Variants in KCNIP4 observed in about 807,000 individuals in gnomAD.
KCNIP4 encodes the protein Kv channel-interacting protein 4.
KCNIP4 carries 12 observed loss-of-function variants against 34.0 expected under a neutral mutation model. The observed-to-expected ratio is 0.35, with a 90% CI of 0.23 to 0.57. The LOEUF (loss-of-function observed/expected upper bound fraction) is 0.57. Ranked by LOEUF, KCNIP4 falls within the 20% of genes least tolerant of loss-of-function variation. The pLI, the probability that KCNIP4 is intolerant of heterozygous loss-of-function variation, is 0.83. For missense variants in KCNIP4, 238 were observed against 311.7 expected, an observed-to-expected ratio of 0.76 and a Z score of 1.78; for synonymous variants, 124 against 102.2, an observed-to-expected ratio of 1.21 and a Z score of -1.29.
intron 1 of KCNIP4, among the ~76,000 whole-genome samples, chr4:21,016,840 A>C (rs1345799109): frequency 1.3e-5 from 2 of 152,170 alleles, no homozygotes; most frequent in African/African-American, 4.8e-5. Context: ...TATTTTTACA[A>C]ATGTAAAATA....
chr4:21,944,201 C>A (rs1390774933), intron 1 of KCNIP4, among the ~76,000 whole-genome samples: 1 of 151,772 alleles, frequency 6.6e-6, no homozygotes, highest in East Asian at 1.9e-4. Context: ...TAAAAGACAA[C>A]CATGTGAAAG....
At chr4:21,044,334 T>C (rs541601481) in intron 1 of KCNIP4, among the ~76,000 whole-genome samples, 1 of 152,080 alleles carries the variant, frequency 6.6e-6, no homozygotes, top group South Asian at 2.1e-4. Context: ...TCTTTTGAGA[T>C]GGAGTCTCAC....
chr4:21,113,618 G>A (rs1195028831), intron 1 of KCNIP4, among the ~76,000 whole-genome samples: 1 of 152,074 alleles, frequency 6.6e-6, no homozygotes, highest in Non-Finnish European at 1.5e-5. Context: ...TCTTCCTTAA[G>A]CACCAAAAAC....
At chr4:21,304,075 G>GAC (rs1712116107) in intron 1 of KCNIP4, 2 of 284,502 alleles carry the variant, frequency 7.0e-6, no homozygotes, top group East Asian at 2.7e-4. Context: ...GAGACAGAGA[G>GAC]AGAGAGAGAG....
chr4:21,333,578 C>T (rs141196190), intron 1 of KCNIP4, among the ~76,000 whole-genome samples: 3 of 151,842 alleles, frequency 2.0e-5, no homozygotes, highest in Non-Finnish European at 4.4e-5. Flanking sequence ...TGAATCTAAT[C>T]CCAGTCTTTT....
intron 1 of KCNIP4, among the ~76,000 whole-genome samples, chr4:21,216,815 A>G (rs1255661309): frequency 6.6e-6 from 1 of 152,182 alleles, no homozygotes; most frequent in African/African-American, 2.4e-5. Context: ...TTTAAGATAG[A>G]AAAATCCATA....
intron 1 of KCNIP4, among the ~76,000 whole-genome samples, chr4:21,487,086 C>T (rs1731985897): frequency 6.6e-6 from 1 of 152,102 alleles, no homozygotes; most frequent in African/African-American, 2.4e-5. Flanking sequence ...CAGGTGTGAG[C>T]CTCTGTGTCC....
chr4:20,732,887 T>G (rs1045223065), intron 6 of KCNIP4, 102 bp from the exon 7 acceptor site: 6 of 692,576 alleles, frequency 8.7e-6, no homozygotes, highest in Non-Finnish European at 1.2e-5. Flanking sequence ...AATTTTTGAC[T>G]TTTTGTTTGT....
intron 1 of KCNIP4, among the ~76,000 whole-genome samples, chr4:21,458,961 C>T (rs1318489931): frequency 6.6e-6 from 1 of 152,066 alleles, no homozygotes; most frequent in African/African-American, 2.4e-5. Context: ...CACAAGACTA[C>T]ATCCCCTTTC....
chr4:21,818,901 G>C (rs1722153239), intron 1 of KCNIP4, among the ~76,000 whole-genome samples: 2 of 152,114 alleles, frequency 1.3e-5, no homozygotes, highest in South Asian at 4.1e-4. Flanking sequence ...AAGTAGAGTA[G>C]TAGTGAGGGA....
At chr4:21,618,799 A>C (rs1053308878) in intron 1 of KCNIP4, among the ~76,000 whole-genome samples, 4 of 150,490 alleles carry the variant, frequency 2.7e-5, no homozygotes, top group African/African-American at 4.9e-5. Flanking sequence ...CGCCCTGCTA[A>C]TTTTTTTGTA....
intron 3 of KCNIP4, among the ~76,000 whole-genome samples, chr4:20,812,126 CAG>C (rs1715849414): frequency 6.6e-6 from 1 of 152,116 alleles, no homozygotes. Flanking sequence ...TAAAGAAAGA[CAG>C]AGCTAAAATA....
intron 1 of KCNIP4, among the ~76,000 whole-genome samples, chr4:20,900,745 A>C (rs1727076550): frequency 6.6e-6 from 1 of 152,152 alleles, no homozygotes; most frequent in Non-Finnish European, 1.5e-5. Flanking sequence ...GGAGCCCAGC[A>C]CTGTCAACAG....
chr4:20,941,882 G>A lies in KCNIP4; in HGVS notation c.62-59173C>T, dbSNP rs1005383342. ...CACATTTAATCATTTCTGTAGGACC[G>A]GAGTTATTTTGCTTTGGGCAGACCT... On this transcript the variant is annotated intron_variant, in intron 1 of 8. Coordinates refer to ENST00000382152, the MANE Select transcript of KCNIP4 (RefSeq NM_025221.6). 5.3e-5 allele frequency among the ~76,000 whole-genome samples: 8 copies of A among 152,040 alleles called. No individual in the cohort carries two copies. In the East Asian group the frequency reaches 5.8e-4, roughly 11 times the overall value.
intron 3 of KCNIP4, among the ~76,000 whole-genome samples, chr4:20,793,996 A>G (rs1713118941): frequency 6.6e-6 from 1 of 152,118 alleles, no homozygotes; most frequent in African/African-American, 2.4e-5. Context: ...ATAATAGTGA[A>G]TAAGTCTCAT....
intron 1 of KCNIP4, among the ~76,000 whole-genome samples, chr4:21,177,745 G>A (rs1446038724): frequency 4.0e-5 from 6 of 151,598 alleles, no homozygotes; most frequent in Non-Finnish European, 8.8e-5. Context: ...CTTCTCAGGA[G>A]GCTGAGGCAG....
At chr4:20,753,929 CATT>C (rs1754072778) in intron 4 of KCNIP4, among the ~76,000 whole-genome samples, 2 of 152,066 alleles carry the variant, frequency 1.3e-5, no homozygotes, top group African/African-American at 2.4e-5. Context: ...TTCATTCATT[CATT>C]CATTCAACAA....
intron 1 of KCNIP4, among the ~76,000 whole-genome samples, chr4:21,378,824 G>C (rs1721206467): frequency 6.6e-6 from 1 of 151,844 alleles, no homozygotes; most frequent in South Asian, 2.1e-4. Context: ...AATATAGAAA[G>C]GAAATAGAGC....
chr4:21,817,929 C>G (rs1349502028), intron 1 of KCNIP4, among the ~76,000 whole-genome samples: 1 of 152,164 alleles, frequency 6.6e-6, no homozygotes, highest in Non-Finnish European at 1.5e-5. Flanking sequence ...ATCAGTAGTT[C>G]TGCTTTTGCC....
Sources: allele counts gnomAD v4.1 joint callset (sites outside exome capture counted in the v4.1 genomes callset), GRCh38; gene constraint gnomAD v4.1.1; transcripts MANE v1.5; gene names NCBI Gene and HGNC (gene_info 2026-07-23, HGNC 2026-07-21).